Variants in FANCL observed in about 807,000 individuals in gnomAD.
The protein encoded by FANCL is E3 ubiquitin-protein ligase FANCL.
FANCL carries 69 observed loss-of-function variants against 59.4 expected under a neutral mutation model. The observed-to-expected ratio is 1.16, with a 90% CI of 0.96 to 1.42. The LOEUF (loss-of-function observed/expected upper bound fraction) is 1.42. Among genes scored for constraint, FANCL ranks in the 40% most tolerant of loss-of-function variants. The probability of loss-of-function intolerance (pLI) is 0.00; values close to 1 mark genes in which losing one functional copy is unlikely to be tolerated. For missense variants in FANCL, 519 were observed against 447.2 expected, an observed-to-expected ratio of 1.16 and a Z score of -1.45; for synonymous variants, 180 against 147.1, an observed-to-expected ratio of 1.22 and a Z score of -1.62.
chr2:58,189,336 G>A (rs1301605259), intron 7 of FANCL, among the ~76,000 whole-genome samples: 1 of 152,180 alleles, frequency 6.6e-6, no homozygotes, highest in Non-Finnish European at 1.5e-5. Flanking sequence ...CACAGCAGTA[G>A]ATGTGTAGAA....
chr2:58,214,777 T>C (rs904068381), intron 5 of FANCL, among the ~76,000 whole-genome samples: 1 of 152,124 alleles, frequency 6.6e-6, no homozygotes, highest in African/African-American at 2.4e-5. Context: ...CCCCCCAAAG[T>C]ACTGGGATTA....
intron 7 of FANCL, among the ~76,000 whole-genome samples, chr2:58,189,616 A>G (rs959390366): frequency 2.6e-5 from 4 of 152,142 alleles, no homozygotes; most frequent in Non-Finnish European, 5.9e-5. Flanking sequence ...CTTAAGCAGG[A>G]AAGTATGAAC....
chr2:58,190,896 G>GA (rs1688861618), intron 7 of FANCL, among the ~76,000 whole-genome samples: 1 of 151,924 alleles, frequency 6.6e-6, no homozygotes, highest in Admixed American at 6.6e-5. Context: ...GATGAGGGGG[G>GA]AATATTTTCT....
rs574391873 is a variant in FANCL, at chr2:58,172,358, G to A, written c.541-6484C>T. Among the ~76,000 whole-genome samples the A allele has an allele frequency of 3.6e-4, 55 of 152,310 alleles. 1 individual carries two copies. Among genetic ancestry groups the A allele is most frequent in the African/African-American group, 1.2e-3 (49 of 41,572 alleles). On this transcript the variant is annotated intron_variant, in intron 7 of 13. Coordinates refer to ENST00000233741, the MANE Select transcript of FANCL (RefSeq NM_018062.4). Reference sequence around the variant, plus strand: ...CTAACTGGGAGGCACCGCCCAGTAGGGGCAGACTGACACCTCACATGGCCA... The same window carrying A: ...CTAACTGGGAGGCACCGCCCAGTAGAGGCAGACTGACACCTCACATGGCCA...
rs897416663 is a variant in FANCL, at chr2:58,176,316, C to A, written c.541-10442G>T. Among the ~76,000 whole-genome samples, 9 of 151,940 alleles carry A rather than the reference C, an allele frequency of 5.9e-5. No homozygotes were observed. In the East Asian group the frequency reaches 1.7e-3, roughly 29 times the overall value. On this transcript the variant is annotated intron_variant, in intron 7 of 13. Coordinates refer to ENST00000233741, the MANE Select transcript of FANCL (RefSeq NM_018062.4). ...TATGGAACCAAAAAAGAGCCCGCAT[C>A]GCCAAGTCAATCCTAAGCCAAAAGA...
intron 1 of FANCL, among the ~76,000 whole-genome samples, chr2:58,239,382 G>T (rs1157652579): frequency 6.6e-6 from 1 of 152,058 alleles, no homozygotes. Flanking sequence ...TTAATAGTGA[G>T]GAAATATCAT....
At chr2:58,202,239 T>TAAAAAA (rs5831491) in intron 6 of FANCL, among the ~76,000 whole-genome samples, 19 of 106,090 alleles carry the variant, frequency 1.8e-4, no homozygotes, top group African/African-American at 6.2e-4. Context: ...ACCTTTTTCC[T>TAAAAAA]AAAAAAAAAA....
intron 11 of FANCL, among the ~76,000 whole-genome samples, chr2:58,162,212 T>G (rs1473297050): frequency 6.6e-6 from 1 of 151,958 alleles, no homozygotes; most frequent in African/African-American, 2.4e-5. Context: ...CTTAGCAGCC[T>G]TGTCAAAAAT....
intron 5 of FANCL, among the ~76,000 whole-genome samples, chr2:58,218,223 G>GA (rs1195994083): frequency 6.6e-6 from 1 of 151,532 alleles, no homozygotes; most frequent in Non-Finnish European, 1.5e-5. Flanking sequence ...AGATAAACTG[G>GA]AAAAAAATCA....
chr2:58,180,757 C>A (rs1687858438), intron 7 of FANCL, among the ~76,000 whole-genome samples: 2 of 151,982 alleles, frequency 1.3e-5, no homozygotes, highest in South Asian at 4.2e-4. Context: ...CATTTTTTAA[C>A]ATAAGCGGTC....
At chr2:58,227,655 C>T (rs72948886) in intron 3 of FANCL, among the ~76,000 whole-genome samples, 2,992 of 152,254 alleles carry the variant, frequency 0.02, 112 homozygotes, top group African/African-American at 0.069. Context: ...CTCTCAACGT[C>T]CAGCCACTTG....
chr2:58,230,413 C>T (rs1693466501), intron 2 of FANCL, among the ~76,000 whole-genome samples: 1 of 152,078 alleles, frequency 6.6e-6, no homozygotes, highest in African/African-American at 2.4e-5. Flanking sequence ...AGAAACCCTC[C>T]CGCCTCAGCC....
intron 3 of FANCL, among the ~76,000 whole-genome samples, chr2:58,228,568 T>C (rs1693262566): frequency 6.6e-6 from 1 of 152,232 alleles, no homozygotes; most frequent in Non-Finnish European, 1.5e-5. Flanking sequence ...ATGGTTGCTA[T>C]AACGGCAGAA....
intron 5 of FANCL, among the ~76,000 whole-genome samples, chr2:58,207,927 C>T (rs1004546426): frequency 1.3e-5 from 2 of 152,060 alleles, no homozygotes; most frequent in Admixed American, 6.6e-5. Flanking sequence ...GTCATGGTGG[C>T]GTGCACCTGT....
intron 7 of FANCL, among the ~76,000 whole-genome samples, chr2:58,198,042 T>C (rs996961982): frequency 6.8e-6 from 1 of 147,810 alleles, no homozygotes; most frequent in Non-Finnish European, 1.5e-5. Context: ...TGTGTGTGTG[T>C]GTGCGTGTGT....
At chr2:58,170,996 G>A (rs1558748094) in intron 7 of FANCL, among the ~76,000 whole-genome samples, 1 of 152,034 alleles carries the variant, frequency 6.6e-6, no homozygotes, top group Non-Finnish European at 1.5e-5. Flanking sequence ...GGATATTCAG[G>A]AGTTGAACTC....
intron 6 of FANCL, among the ~76,000 whole-genome samples, chr2:58,202,563 A>G (rs1573692124): frequency 6.6e-6 from 1 of 151,950 alleles, no homozygotes; most frequent in South Asian, 2.1e-4. Flanking sequence ...CAGCTTAAAT[A>G]AAGCTTTCTC....
At position 58,163,079 on chromosome 2, in the gene FANCL, A is replaced by G. The variant is rs2104796529; in HGVS notation, c.776-5T>C. 6.2e-7 allele frequency: 1 copy of G among 1,608,600 alleles called. No homozygotes were observed. Among genetic ancestry groups the G allele is most frequent in the Non-Finnish European group, 8.5e-7 (1 of 1,177,670 alleles). On this transcript the variant is annotated splice_polypyrimidine_tract_variant and splice_region_variant and intron_variant, in intron 9 of 13. Transcript: ENST00000233741. ...TAATTCCCAGGGGTTTTACCACTTC[A>G]GATTAAAAAAAAAAAATTTAATAAT...
Position 58,241,257 on chromosome 2 carries a change from GT to G in FANCL, c.56del (p.Asn19ThrfsTer22), listed in dbSNP as rs972954165. Reference protein sequence around the residue: ...LRQCPLLLPQNRSKTVYEGFI... With the variant: ...LRQCPLLLPQXRSKTVYEGFI... ...ATCCCTCATACACGGTTTTCGACCGGTTCTGGGGCAGAAGCAGGGGGCACTG... is the reference window on the plus strand; with the variant it reads ...ATCCCTCATACACGGTTTTCGACCGGTCTGGGGCAGAAGCAGGGGGCACTG... On this transcript the variant is annotated frameshift_variant, in exon 1 of 14. Transcript: ENST00000233741. LOFTEE classifies it high-confidence loss of function. The G allele has an allele frequency of 6.2e-7, 1 of 1,614,278 alleles. No individual in the cohort carries two copies. The highest frequency in any genetic ancestry group is 8.5e-7 in the Non-Finnish European group (1 of 1,180,054).
Sources: allele counts gnomAD v4.1 joint callset (sites outside exome capture counted in the v4.1 genomes callset), GRCh38; gene constraint gnomAD v4.1.1; transcripts MANE v1.5; gene names NCBI Gene and HGNC (gene_info 2026-07-23, HGNC 2026-07-21).